GRM8: variants seen among roughly 807,000 people sequenced by gnomAD.
The protein encoded by GRM8 is metabotropic glutamate receptor 8.
GRM8 carries 47 observed loss-of-function variants against 87.2 expected under a neutral mutation model. The observed-to-expected ratio is 0.54, with a 90% confidence interval of 0.43 to 0.69. The LOEUF is 0.69. Ranked by LOEUF, GRM8 falls within the 30% of genes least tolerant of loss-of-function variation. The pLI is 0.00. For missense variants in GRM8, 1,019 were observed against 1,139.2 expected (o/e 0.89, Z 1.52); for synonymous variants, 396 against 404.5 (o/e 0.98, Z 0.25).
intron 3 of GRM8, among the ~76,000 whole-genome samples, chr7:126,985,371 T>C (rs913259485): frequency 6.6e-6 from 1 of 152,092 alleles, no homozygotes; most frequent in African/African-American, 2.4e-5. Context: ...GACAGAATGA[T>C]AAAAAATAAA....
At position 126,562,712 on chromosome 7, in the gene GRM8, T is replaced by C. The variant is rs112521527; in HGVS notation, c.1495-28825A>G. ...GAGTTCGAGACCAGCCTGACCAACA[T>C]GGAGAAACCCTGTTGCTACTGAAAC... is the stretch of plus-strand genomic sequence containing the variant. On this transcript the variant is annotated intron_variant, in intron 8 of 10. Coordinates refer to ENST00000339582, the MANE Select transcript of GRM8 (RefSeq NM_000845.3). 8.7e-3 allele frequency among the ~76,000 whole-genome samples: 1,316 copies of C among 152,118 alleles called. 13 individuals carry two copies. The highest frequency in any genetic ancestry group is 0.024 in the Middle Eastern group (7 of 292).
rs549230021 is a variant in GRM8 at position 126,834,677 on chromosome 7, C to T, written c.1157-64612G>A. On this transcript the variant is annotated intron_variant, in intron 6 of 10. Transcript: ENST00000339582. ...ATTGACAAGGCTTTAATAGATTTAACTTCTGGGGCTTACTTTTTAAATACT... is the reference window on the plus strand; with the variant it reads ...ATTGACAAGGCTTTAATAGATTTAATTTCTGGGGCTTACTTTTTAAATACT... 1.3e-5 allele frequency among the ~76,000 whole-genome samples: 2 copies of T among 152,302 alleles called. 1 individual carries two copies. The highest frequency in any genetic ancestry group is 4.1e-4 in the South Asian group (2 of 4,824).
At chr7:126,967,126 T>C (rs1809953790) in intron 3 of GRM8, among the ~76,000 whole-genome samples, 1 of 151,816 alleles carries the variant, frequency 6.6e-6, no homozygotes, top group South Asian at 2.1e-4. Context: ...GATGGGTTTC[T>C]GGTAGTTGTT....
chr7:126,765,622 T>C (rs1420573104), intron 7 of GRM8, among the ~76,000 whole-genome samples: 1 of 152,102 alleles, frequency 6.6e-6, no homozygotes, highest in Non-Finnish European at 1.5e-5. Flanking sequence ...TGCCTATAGA[T>C]CAGTCTGGAG....
chr7:126,447,202 C>T (rs927710077), intron 9 of GRM8: 3 of 151,632 alleles, frequency 2.0e-5, no homozygotes, highest in East Asian at 2.0e-4. Flanking sequence ...AAAAAAAAAC[C>T]AAAGCTAAAA....
intron 7 of GRM8, among the ~76,000 whole-genome samples, chr7:126,646,440 CACTA>C (rs1162958977): frequency 6.6e-6 from 1 of 152,194 alleles, no homozygotes; most frequent in African/African-American, 2.4e-5. Flanking sequence ...TATCTCCACT[CACTA>C]ACCCATCTTC....
At chr7:126,606,415 A>T (rs189532116) in intron 8 of GRM8, among the ~76,000 whole-genome samples, 1 of 152,292 alleles carries the variant, frequency 6.6e-6, no homozygotes, top group Admixed American at 6.5e-5. Context: ...GCTTATTACA[A>T]CCATATAAGG....
chr7:126,625,886 A>G (rs1040827125), intron 7 of GRM8, among the ~76,000 whole-genome samples: 2 of 152,162 alleles, frequency 1.3e-5, no homozygotes, highest in Non-Finnish European at 2.9e-5. Flanking sequence ...GTGAGAACAA[A>G]CCAAAATACG....
At chr7:127,163,124 T>G (rs1293795768) in intron 2 of GRM8, among the ~76,000 whole-genome samples, 1 of 152,044 alleles carries the variant, frequency 6.6e-6, no homozygotes, top group Non-Finnish European at 1.5e-5. Flanking sequence ...TAAAGAGATA[T>G]CTGAGACTGG....
chr7:126,557,624 T>C (rs894670405), intron 8 of GRM8, among the ~76,000 whole-genome samples: 4 of 152,210 alleles, frequency 2.6e-5, no homozygotes, highest in African/African-American at 7.2e-5. Context: ...TTCTAGCTAA[T>C]ACCAATGTAA....
At chr7:126,787,355 T>C (rs1820726936) in intron 6 of GRM8, among the ~76,000 whole-genome samples, 1 of 152,172 alleles carries the variant, frequency 6.6e-6, no homozygotes, top group Admixed American at 6.6e-5. Context: ...GAGGGAGTAA[T>C]AATAATTCCA....
At chr7:127,169,333 C>G (rs1477540680) in intron 2 of GRM8, among the ~76,000 whole-genome samples, 1 of 152,188 alleles carries the variant, frequency 6.6e-6, no homozygotes, top group Non-Finnish European at 1.5e-5. Context: ...AAGCCAAAGC[C>G]TAATCTACAG....
At chr7:127,043,426 T>C (rs555789528) in intron 3 of GRM8, among the ~76,000 whole-genome samples, 33 of 152,342 alleles carry the variant, frequency 2.2e-4, no homozygotes, top group African/African-American at 6.5e-4. Flanking sequence ...TATGGAATAC[T>C]ATGCAGCCAT....
intron 7 of GRM8, among the ~76,000 whole-genome samples, chr7:126,649,368 C>A (rs1260873882): frequency 6.6e-6 from 1 of 152,122 alleles, no homozygotes; most frequent in African/African-American, 2.4e-5. Flanking sequence ...ACTGGCTTAG[C>A]CTCCCAGCCT....
intron 7 of GRM8, among the ~76,000 whole-genome samples, chr7:126,665,780 T>C (rs1044245833): frequency 6.6e-6 from 1 of 151,840 alleles, no homozygotes; most frequent in Non-Finnish European, 1.5e-5. Flanking sequence ...TATTAAATTA[T>C]ATAAAATAAA....
intron 7 of GRM8, among the ~76,000 whole-genome samples, chr7:126,694,231 C>A (rs924574823): frequency 1.3e-5 from 2 of 152,100 alleles, no homozygotes; most frequent in Non-Finnish European, 2.9e-5. Context: ...ACAGATTAGA[C>A]ATGCACCATC....
intron 2 of GRM8, among the ~76,000 whole-genome samples, chr7:127,137,109 G>A (rs1827983754): frequency 2.0e-5 from 3 of 152,140 alleles, no homozygotes; most frequent in Non-Finnish European, 4.4e-5. Context: ...ATGTGATCTT[G>A]GATGACTTAA....
At chr7:127,102,955 C>A (rs1250519348) in intron 3 of GRM8, among the ~76,000 whole-genome samples, 1 of 152,198 alleles carries the variant, frequency 6.6e-6, no homozygotes. Context: ...CTCCACCTCC[C>A]AGGTTCAAGC....
At chr7:126,848,333 G>A (rs894765483) in intron 6 of GRM8, among the ~76,000 whole-genome samples, 4 of 151,996 alleles carry the variant, frequency 2.6e-5, no homozygotes, top group African/African-American at 9.7e-5. Context: ...AACTGTGGCT[G>A]GTTTGAATTG....
Sources: gnomAD v4.1 joint callset for allele counts (sites outside exome capture counted in the v4.1 genomes callset) on GRCh38, gnomAD v4.1.1 for gene constraint, MANE v1.5 for transcripts, NCBI Gene and HGNC (gene_info 2026-07-23, HGNC 2026-07-21) for gene names.